PCDH15: variants seen among roughly 807,000 people sequenced by gnomAD.
PCDH15 encodes the protein protocadherin related 15.
A neutral mutation model predicts 178.5 loss-of-function variants in PCDH15; 129 were observed. The ratio of observed to expected loss-of-function variants is 0.72; its 90% CI spans 0.63 to 0.84. The LOEUF (loss-of-function observed/expected upper bound fraction) is 0.84. Among genes scored for constraint, PCDH15 ranks in the 40% least tolerant of loss-of-function variants. The pLI, the probability that PCDH15 is intolerant of heterozygous loss-of-function variation, is 0.00. For synonymous variants in PCDH15, 800 were observed against 732.0 expected, an observed-to-expected ratio of 1.09 and a Z score of -1.50; for missense variants, 2,230 against 2,099.9, an observed-to-expected ratio of 1.06 and a Z score of -1.21.
intron 6 of PCDH15, among the ~76,000 whole-genome samples, chr10:54,342,644 T>C (rs1588928220): frequency 6.6e-6 from 1 of 152,258 alleles, no homozygotes; most frequent in Admixed American, 6.5e-5. Context: ...GATCCTAGAA[T>C]GATAGATCCA....
intron 2 of PCDH15, among the ~76,000 whole-genome samples, chr10:55,048,027 T>C (rs182593773): frequency 4.9e-4 from 75 of 152,000 alleles, no homozygotes; most frequent in African/African-American, 1.8e-3. Context: ...AATAAGCGTA[T>C]TTTACACATT....
chr10:55,036,903 C>G (rs184656743), intron 2 of PCDH15, among the ~76,000 whole-genome samples: 4 of 152,148 alleles, frequency 2.6e-5, no homozygotes, highest in Non-Finnish European at 5.9e-5. Context: ...TCTGTGTTAG[C>G]ATACCTAGGA....
At chr10:54,430,348 C>A (rs1268135458) in intron 3 of PCDH15, among the ~76,000 whole-genome samples, 1 of 152,060 alleles carries the variant, frequency 6.6e-6, no homozygotes, top group Non-Finnish European at 1.5e-5. Context: ...AGCCACCACA[C>A]CCGGCCAAAA....
chr10:54,979,379 T>A (rs2131902267), intron 2 of PCDH15, among the ~76,000 whole-genome samples: 1 of 152,218 alleles, frequency 6.6e-6, no homozygotes, highest in Non-Finnish European at 1.5e-5. Context: ...AAAAGAATTT[T>A]ATTTTCCTGC....
chr10:54,421,263 A>G (rs74965448), intron 3 of PCDH15, among the ~76,000 whole-genome samples: 2,859 of 152,050 alleles, frequency 0.019, 96 homozygotes, highest in African/African-American at 0.065. Context: ...AATGACTTAA[A>G]TTGGATGAGA....
intron 1 of PCDH15, among the ~76,000 whole-genome samples, chr10:54,762,492 C>T (rs1948010668): frequency 6.6e-6 from 1 of 152,096 alleles, no homozygotes; most frequent in South Asian, 2.1e-4. Context: ...GCTGATGAAT[C>T]ATTCAGTAAA....
chr10:53,883,643 G>A (rs1466066355), intron 26 of PCDH15, among the ~76,000 whole-genome samples: 1 of 152,164 alleles, frequency 6.6e-6, no homozygotes, highest in African/African-American at 2.4e-5. Flanking sequence ...ATAAATTGTT[G>A]TAAAATAACC....
At chr10:54,576,724 A>G (rs1485897775) in intron 2 of PCDH15, among the ~76,000 whole-genome samples, 1 of 152,210 alleles carries the variant, frequency 6.6e-6, no homozygotes, top group Non-Finnish European at 1.5e-5. Context: ...TGGTTAACAC[A>G]GTATGGTCCA....
intron 3 of PCDH15, among the ~76,000 whole-genome samples, chr10:54,469,072 T>C (rs1589575459): frequency 6.6e-6 from 1 of 152,166 alleles, no homozygotes; most frequent in East Asian, 1.9e-4. Flanking sequence ...AGCATATGGT[T>C]GAGACTTTGT....
intron 4 of PCDH15, among the ~76,000 whole-genome samples, chr10:54,376,045 G>A (rs565909154): frequency 2.0e-5 from 3 of 151,384 alleles, no homozygotes; most frequent in African/African-American, 7.2e-5. Flanking sequence ...CAGGGTACCT[G>A]CCACAATGCC....
At chr10:55,077,294 T>C (rs1263577643) in intron 2 of PCDH15, among the ~76,000 whole-genome samples, 2 of 152,092 alleles carry the variant, frequency 1.3e-5, no homozygotes, top group African/African-American at 4.8e-5. Flanking sequence ...GTATGTGAGG[T>C]TTTCTTCCTT....
intron 2 of PCDH15, among the ~76,000 whole-genome samples, chr10:55,487,497 T>C (rs888377052): frequency 1.3e-5 from 2 of 151,756 alleles, no homozygotes; most frequent in African/African-American, 4.8e-5. Flanking sequence ...TCCTTCATTC[T>C]CTACCTCTCA....
At chr10:55,494,483 T>G (rs943338814) in intron 2 of PCDH15, among the ~76,000 whole-genome samples, 16 of 151,716 alleles carry the variant, frequency 1.1e-4, no homozygotes, top group Non-Finnish European at 2.4e-4. Context: ...CCATTTTGCT[T>G]CTTTTATTCT....
chr10:54,786,247 ATAGT>A, intron 1 of PCDH15, among the ~76,000 whole-genome samples: 1 of 152,156 alleles, frequency 6.6e-6, no homozygotes, highest in South Asian at 2.1e-4. Flanking sequence ...TGAGGAGTCC[ATAGT>A]TAAAGTCTCG....
chr10:54,146,975 AGT>A (rs1406966004), intron 14 of PCDH15, among the ~76,000 whole-genome samples: 1 of 144,332 alleles, frequency 6.9e-6, no homozygotes, highest in Non-Finnish European at 1.5e-5. Flanking sequence ...GTATATATAT[AGT>A]GTATATATAT....
At chr10:55,425,307 T>C (rs951419756) in intron 2 of PCDH15, among the ~76,000 whole-genome samples, 2 of 151,960 alleles carry the variant, frequency 1.3e-5, no homozygotes, top group Non-Finnish European at 2.9e-5. Flanking sequence ...TGCTGCAGAA[T>C]AGGAAAATTT....
chr10:54,651,864 T>G (rs779509238), intron 2 of PCDH15, among the ~76,000 whole-genome samples: 1 of 152,128 alleles, frequency 6.6e-6, no homozygotes, highest in Non-Finnish European at 1.5e-5. Context: ...AAACTGAATA[T>G]TTGCAAAATA....
At chr10:54,420,666 A>G (rs948313859) in intron 3 of PCDH15, among the ~76,000 whole-genome samples, 2 of 152,076 alleles carry the variant, frequency 1.3e-5, no homozygotes, top group African/African-American at 4.8e-5. Flanking sequence ...AGTAGCAGAA[A>G]TGAAAGCAAA....
intron 1 of PCDH15, among the ~76,000 whole-genome samples, chr10:55,263,655 C>T (rs2132237840): frequency 6.6e-6 from 1 of 152,136 alleles, no homozygotes; most frequent in East Asian, 1.9e-4. Context: ...TAGAGGGACT[C>T]ACTTGCACTG....
Sources: gnomAD v4.1 joint callset for allele counts (sites outside exome capture counted in the v4.1 genomes callset) on GRCh38, gnomAD v4.1.1 for gene constraint, MANE v1.5 for transcripts, NCBI Gene and HGNC (gene_info 2026-07-23, HGNC 2026-07-21) for gene names.